The following DLGAP1 variants were observed in gnomAD, a reference collection of about 807,000 sequenced individuals.
DLGAP1 encodes DLG associated protein 1, also known as disks large-associated protein 1.
A neutral mutation model predicts 90.8 loss-of-function variants in DLGAP1; 11 were observed. The observed-to-expected ratio is 0.12, with a 90% CI of 0.08 to 0.20. The LOEUF (loss-of-function observed/expected upper bound fraction) is 0.20. DLGAP1 is among the 10% of genes least tolerant of loss of function. DLGAP1 has a pLI of 1.00. For synonymous variants in DLGAP1, 558 were observed against 540.7 expected, an observed-to-expected ratio of 1.03 and a Z score of -0.44; for missense variants, 1,050 against 1,333.8, an observed-to-expected ratio of 0.79 and a Z score of 3.31.
At chr18:3,643,236 AAAAG>A (rs1419987444) in intron 7 of DLGAP1, among the ~76,000 whole-genome samples, 2 of 151,920 alleles carry the variant, frequency 1.3e-5, no homozygotes, top group African/African-American at 2.4e-5. Context: ...AGATGAAAGA[AAAAG>A]AAAGAAAGAA....
chr18:3,973,683 A>G (rs2149010428), intron 3 of DLGAP1, among the ~76,000 whole-genome samples: 1 of 152,292 alleles, frequency 6.6e-6, no homozygotes, highest in South Asian at 2.1e-4. Context: ...TCAATTTTAG[A>G]TAATTTTATT....
chr18:4,427,202 T>C (rs1157496734), intron 1 of DLGAP1, among the ~76,000 whole-genome samples: 3 of 152,240 alleles, frequency 2.0e-5, no homozygotes, highest in African/African-American at 7.2e-5. Context: ...CGTGTGGTAG[T>C]GATATCATAT....
rs564985424 is a variant in DLGAP1 at position 4,039,028 on chromosome 18, G to A, written c.-158-33827C>T. 7.2e-5 allele frequency among the ~76,000 whole-genome samples: 11 copies of A among 152,162 alleles called. No homozygotes were observed. The South Asian group carries it at 1.5e-3, about 20-fold the overall frequency. On this transcript the variant is annotated intron_variant, in intron 2 of 12. Coordinates refer to ENST00000315677, the MANE Select transcript of DLGAP1 (RefSeq NM_004746.4). ...AGCACACAGAGGAAAACGGCAGCACGAGGAAAAAGAGGGTTAACTTGATCA... is the reference window on the plus strand; with the variant it reads ...AGCACACAGAGGAAAACGGCAGCACAAGGAAAAAGAGGGTTAACTTGATCA...
intron 2 of DLGAP1, among the ~76,000 whole-genome samples, chr18:4,138,813 T>C (rs1254994953): frequency 6.6e-6 from 1 of 152,018 alleles, no homozygotes; most frequent in Non-Finnish European, 1.5e-5. Flanking sequence ...TTTGATCTCA[T>C]TAGTTGTTAT....
At chr18:3,783,773 A>G (rs150116860) in intron 5 of DLGAP1, among the ~76,000 whole-genome samples, 507 of 152,322 alleles carry the variant, frequency 3.3e-3, no homozygotes, top group African/African-American at 0.012. Context: ...TAGTATGTGC[A>G]TTATATCTAA....
At chr18:4,020,199 G>A (rs561160568) in intron 2 of DLGAP1, among the ~76,000 whole-genome samples, 1 of 152,228 alleles carries the variant, frequency 6.6e-6, no homozygotes, top group South Asian at 2.1e-4. Flanking sequence ...ATGCTGGAGG[G>A]GTATTGTGAG....
At chr18:4,171,611 A>AAT (rs2077027938) in intron 1 of DLGAP1, among the ~76,000 whole-genome samples, 1 of 152,036 alleles carries the variant, frequency 6.6e-6, no homozygotes, top group Non-Finnish European at 1.5e-5. Context: ...GAGGCGAATT[A>AAT]TTGAGATGAA....
intron 3 of DLGAP1, among the ~76,000 whole-genome samples, chr18:3,964,787 T>G (rs2073285720): frequency 6.6e-6 from 1 of 152,144 alleles, no homozygotes; most frequent in Non-Finnish European, 1.5e-5. Context: ...ATCAAGGGTT[T>G]TTAAGAGGTG....
chr18:4,336,862 A>G (rs1468234324), intron 1 of DLGAP1, among the ~76,000 whole-genome samples: 1 of 151,268 alleles, frequency 6.6e-6, no homozygotes, highest in Admixed American at 6.6e-5. Context: ...GCATTACGGT[A>G]TCTAGAGGCA....
intron 7 of DLGAP1, among the ~76,000 whole-genome samples, chr18:3,617,527 G>T (rs1172991195): frequency 6.7e-6 from 1 of 149,528 alleles, no homozygotes; most frequent in Non-Finnish European, 1.5e-5. Flanking sequence ...GGAGGTGGAG[G>T]TTGCAGTGAG....
rs145644265 is a variant in DLGAP1 at position 4,337,409 on chromosome 18, TCTG to T, written c.-267+117594_-267+117596del. ...GGGGTCGCCATGCTGCTTAGGCTGGTCTGGAACTGATCTTTAAATGATTCACCT... is the reference window on the plus strand; with the variant it reads ...GGGGTCGCCATGCTGCTTAGGCTGGTGAACTGATCTTTAAATGATTCACCT... On this transcript the variant is annotated intron_variant, in intron 1 of 12. Coordinates refer to ENST00000315677, the MANE Select transcript of DLGAP1 (RefSeq NM_004746.4). Among the ~76,000 whole-genome samples the T allele has an allele frequency of 8.7e-4, 132 of 152,114 alleles. No individual in the cohort carries two copies. In the East Asian group the frequency reaches 0.022, roughly 25 times the overall value.
chr18:4,261,134 A>G (rs917959488), intron 1 of DLGAP1, among the ~76,000 whole-genome samples: 2 of 152,344 alleles, frequency 1.3e-5, no homozygotes, highest in East Asian at 3.9e-4. Context: ...AAGGCAGAGT[A>G]TGTCCATGAT....
intron 1 of DLGAP1, among the ~76,000 whole-genome samples, chr18:4,274,713 T>G (rs1192876041): frequency 6.6e-6 from 1 of 152,148 alleles, no homozygotes; most frequent in Non-Finnish European, 1.5e-5. Flanking sequence ...CAGCTATAAT[T>G]GAGAAAACCA....
chr18:3,665,267 C>T (rs2059837722), intron 7 of DLGAP1, among the ~76,000 whole-genome samples: 1 of 151,860 alleles, frequency 6.6e-6, no homozygotes, highest in Admixed American at 6.6e-5. Flanking sequence ...GCTCTTCCCC[C>T]TCCCCCCAAC....
At chr18:4,338,108 A>T (rs2081113563) in intron 1 of DLGAP1, among the ~76,000 whole-genome samples, 2 of 152,212 alleles carry the variant, frequency 1.3e-5, no homozygotes. Flanking sequence ...AATTCCAATC[A>T]GTCTCAGTTT....
intron 1 of DLGAP1, among the ~76,000 whole-genome samples, chr18:4,196,695 C>T (rs1342226802): frequency 6.6e-6 from 1 of 152,196 alleles, no homozygotes; most frequent in African/African-American, 2.4e-5. Flanking sequence ...GATTCTGTTG[C>T]CATTCTTTCT....
intron 5 of DLGAP1, among the ~76,000 whole-genome samples, chr18:3,792,699 C>T (rs558297000): frequency 7.0e-4 from 106 of 152,288 alleles, no homozygotes; most frequent in African/African-American, 2.5e-3. Flanking sequence ...CACACCTCAC[C>T]ATACAGGCCA....
At chr18:3,571,617 T>G (rs1198531555) in intron 8 of DLGAP1, 1 of 152,034 alleles carries the variant, frequency 6.6e-6, no homozygotes, top group Non-Finnish European at 1.5e-5. Flanking sequence ...AACCTCCGCC[T>G]CGGGGGTTCA....
intron 2 of DLGAP1, among the ~76,000 whole-genome samples, chr18:4,024,286 G>T: frequency 6.6e-6 from 1 of 152,200 alleles, no homozygotes; most frequent in Non-Finnish European, 1.5e-5. Context: ...TGGAGGTCAT[G>T]TTGCACTTCA....
Sources: gnomAD v4.1 joint callset for allele counts (sites outside exome capture counted in the v4.1 genomes callset) on GRCh38, gnomAD v4.1.1 for gene constraint, MANE v1.5 for transcripts, NCBI Gene and HGNC (gene_info 2026-07-23, HGNC 2026-07-21) for gene names.